STX5: variants seen among roughly 807,000 people sequenced by gnomAD.
STX5 encodes syntaxin 5, also known as syntaxin-5.
Under a neutral mutation model 42.9 loss-of-function variants are expected in STX5, and 15 were observed. The observed-to-expected ratio is 0.35, with a 90% CI of 0.23 to 0.54. The LOEUF (loss-of-function observed/expected upper bound fraction) is 0.54. STX5 is among the 20% of genes least tolerant of loss of function. The pLI is 0.91. For missense variants in STX5, 430 were observed against 455.0 expected (o/e 0.95, Z 0.50); for synonymous variants, 184 against 173.2 (o/e 1.06, Z -0.49).
chr11:62,825,589 G>A, intron 5 of STX5, 50 bp from the exon 6 acceptor site: 1 of 1,530,864 alleles, frequency 6.5e-7, no homozygotes, highest in Non-Finnish European at 9.0e-7. Flanking sequence ...GGAGTCCTTA[G>A]TCAGCATCTC....
chr11:62,824,144 G>T, intron 10 of STX5, 22 bp downstream of exon 10: 1 of 1,614,150 alleles, frequency 6.2e-7, no homozygotes, highest in Non-Finnish European at 8.5e-7. Context: ...TCCTCTGTTT[G>T]GGGCGAGAGA....
chr11:62,829,953 T>C (rs549593274), intron 2 of STX5, among the ~76,000 whole-genome samples: 1 of 150,682 alleles, frequency 6.6e-6, no homozygotes, highest in African/African-American at 2.4e-5. Context: ...TAATCCCAGC[T>C]ACTCGAGAGG....
At position 62,807,288 on chromosome 11, in the gene STX5, G is replaced by A; in HGVS notation, c.*181C>T. On this transcript the variant is annotated 3_prime_UTR_variant, in exon 11 of 11. Coordinates refer to ENST00000294179, the MANE Select transcript of STX5 (RefSeq NM_003164.5). ...TGTTTCATAGGCCTGAGGGTGGTGG[G>A]GGGAGGACAGGGTGGCCAGAGGCAA... The A allele has an allele frequency of 1.2e-6, 1 of 859,420 alleles. No homozygotes were observed. Among genetic ancestry groups the A allele is most frequent in the Non-Finnish European group, 1.7e-6 (1 of 579,958 alleles). 53.2% of individuals were successfully genotyped at this position (859,420 alleles called of 1,614,324 possible).
intron 5 of STX5, 88 bp downstream of exon 5, chr11:62,827,067 C>T: frequency 7.6e-7 from 1 of 1,310,452 alleles, no homozygotes; most frequent in Non-Finnish European, 1.1e-6. Flanking sequence ...AAGAAACTTG[C>T]TCTGGGTCCC....
intron 7 of STX5, 49 bp downstream of exon 7, chr11:62,825,234 T>C: frequency 1.2e-6 from 2 of 1,613,278 alleles, no homozygotes; most frequent in Non-Finnish European, 1.7e-6. Context: ...ATTTCCCTCT[T>C]GGATCTTTAC....
chr11:62,828,501 C>A (rs956888788), intron 2 of STX5, among the ~76,000 whole-genome samples: 4 of 151,790 alleles, frequency 2.6e-5, no homozygotes, highest in African/African-American at 7.3e-5. Context: ...CTGAGGCAGG[C>A]GGATCACGAG....
intron 10 of STX5, among the ~76,000 whole-genome samples, chr11:62,818,572 A>G (rs2084701700): frequency 6.6e-6 from 1 of 151,382 alleles, no homozygotes; most frequent in Non-Finnish European, 1.5e-5. Context: ...TCAGAAAAAA[A>G]AAAAAAAAAG....
At chr11:62,823,233 G>A (rs1370186120) in intron 10 of STX5, among the ~76,000 whole-genome samples, 1 of 151,568 alleles carries the variant, frequency 6.6e-6, no homozygotes, top group Non-Finnish European at 1.5e-5. Flanking sequence ...GGAGCGCAGT[G>A]GTTCCATCAT....
chr11:62,828,618 C>G (rs1296162100), intron 2 of STX5, among the ~76,000 whole-genome samples: 5 of 152,008 alleles, frequency 3.3e-5, no homozygotes, highest in Non-Finnish European at 7.4e-5. Context: ...CCCAGCTACT[C>G]AGCAGGCTGA....
At chr11:62,824,343 G>C (rs1034911917) in intron 9 of STX5, 56 bp from the exon 10 acceptor site, 24 of 1,612,930 alleles carry the variant, frequency 1.5e-5, no homozygotes, top group Middle Eastern at 3.3e-4. Flanking sequence ...GGTCAGACCT[G>C]CATTTTTACA....
At chr11:62,814,523 C>T (rs969886882) in intron 10 of STX5, among the ~76,000 whole-genome samples, 20 of 150,708 alleles carry the variant, frequency 1.3e-4, no homozygotes, top group African/African-American at 4.4e-4. Flanking sequence ...AGTGCAACGG[C>T]GTGATCTCGG....
At chr11:62,810,743 G>A (rs1187729207) in intron 10 of STX5, among the ~76,000 whole-genome samples, 1 of 152,246 alleles carries the variant, frequency 6.6e-6, no homozygotes, top group African/African-American at 2.4e-5. Flanking sequence ...TCTAGAGCAA[G>A]TGCTGAAACC....
chr11:62,809,421 T>A (rs901265329), intron 10 of STX5, among the ~76,000 whole-genome samples: 1 of 151,768 alleles, frequency 6.6e-6, no homozygotes, highest in African/African-American at 2.4e-5. Flanking sequence ...ACACCTGTAA[T>A]CCCAGCACTT....
intron 10 of STX5, among the ~76,000 whole-genome samples, chr11:62,817,541 A>C (rs1178835868): frequency 6.6e-6 from 1 of 152,258 alleles, no homozygotes. Flanking sequence ...CATGTACGAT[A>C]AAATCCTCAA....
chr11:62,831,021 G>A lies in STX5; in HGVS notation c.223C>T (p.Gln75Ter). The change falls in exon 2 of 11, where the codon CAG becomes TAG. Residue 75 changes from glutamine to a stop codon, truncating the protein, a stop_gained and splice_region_variant. Transcript: ENST00000294179. LOFTEE classifies it high-confidence loss of function. Reference protein sequence around the residue: ...LSACKSLQTRQNGIQTNKPAL... With the variant: ...LSACKSLQTR ...CCTTTTCCACTCCAGGTCCTTACCT[G>A]ACGGGTCTGCAGCGACTTGCAGGCA... is the stretch of plus-strand genomic sequence containing the variant. The A allele has an allele frequency of 6.5e-7, 1 of 1,550,250 alleles. No individual in the cohort carries two copies.
At chr11:62,807,716 G>A (rs1360330810) in intron 10 of STX5, 88 bp from the exon 11 acceptor site, 39 of 1,558,164 alleles carry the variant, frequency 2.5e-5, no homozygotes, top group Non-Finnish European at 3.3e-5. Context: ...ATGGAAAGAT[G>A]GTCACAATAT....
chr11:62,824,311 T>C, intron 9 of STX5, 24 bp from the exon 10 acceptor site: 1 of 1,614,152 alleles, frequency 6.2e-7, no homozygotes, highest in Non-Finnish European at 8.5e-7. Flanking sequence ...AGAGAGCACA[T>C]GAGCACCAAC....
intron 10 of STX5, among the ~76,000 whole-genome samples, chr11:62,823,023 C>T (rs2084756351): frequency 6.6e-6 from 1 of 152,126 alleles, no homozygotes; most frequent in African/African-American, 2.4e-5. Flanking sequence ...GAGACTGTCC[C>T]ATCACAAGGC....
chr11:62,830,820 A>G lies in STX5; in HGVS notation c.225+199T>C, dbSNP rs539830190. On this transcript the variant is annotated intron_variant, in intron 2 of 10. Coordinates refer to ENST00000294179, the MANE Select transcript of STX5 (RefSeq NM_003164.5). ...CCTGCCCTCCAAAGGATTCCTCACA[A>G]AAAAAAGTCTAAGTCCTTGCCCCTA... is the stretch of plus-strand genomic sequence containing the variant. 2.0e-5 allele frequency among the ~76,000 whole-genome samples: 3 copies of G among 152,220 alleles called. No individual in the cohort carries two copies. The South Asian group carries it at 6.2e-4, about 32-fold the overall frequency.
Sources: allele counts gnomAD v4.1 joint callset (sites outside exome capture counted in the v4.1 genomes callset), GRCh38; gene constraint gnomAD v4.1.1; transcripts MANE v1.5; gene names NCBI Gene and HGNC (gene_info 2026-07-23, HGNC 2026-07-21).